The following RAB3IP variants were observed in gnomAD, a reference collection of about 807,000 sequenced individuals.
RAB3IP encodes the protein RAB3A interacting protein, also known as rab-3A-interacting protein.
In RAB3IP, 36 loss-of-function variants were observed where a neutral mutation model predicts 59.1. That is an observed-to-expected ratio of 0.61 (90% CI 0.47 to 0.80). The LOEUF (loss-of-function observed/expected upper bound fraction) is 0.80, where lower values mean the gene tolerates loss of function less well. Among genes scored for constraint, RAB3IP ranks in the 30% least tolerant of loss-of-function variants. RAB3IP has a pLI of 0.00. For missense variants in RAB3IP, 511 were observed against 536.0 expected (o/e 0.95, Z 0.46); for synonymous variants, 207 against 191.2 (o/e 1.08, Z -0.68).
At position 69,795,351 on chromosome 12, in the gene RAB3IP, C is replaced by G; in HGVS notation, c.888+7C>G. 6.2e-7 allele frequency: 1 copy of G among 1,603,254 alleles called. No individual in the cohort carries two copies. The highest frequency in any genetic ancestry group is 8.5e-7 in the Non-Finnish European group (1 of 1,170,528). On this transcript the variant is annotated splice_region_variant and intron_variant, in intron 6 of 10. Transcript: ENST00000247833. ...TGTAAAAGACTGCAAAGAGGTAACTCATCAAGGACTGTCCCCTCTGACTCT... is the reference window on the plus strand; with the variant it reads ...TGTAAAAGACTGCAAAGAGGTAACTGATCAAGGACTGTCCCCTCTGACTCT...
intron 4 of RAB3IP, among the ~76,000 whole-genome samples, chr12:69,793,774 C>T (rs983456079): frequency 8.5e-5 from 13 of 152,284 alleles, no homozygotes; most frequent in Admixed American, 6.5e-4. Context: ...AGTACGTAAT[C>T]AGCATCTGGA....
At chr12:69,787,612 G>A (rs1425681078) in intron 4 of RAB3IP, among the ~76,000 whole-genome samples, 1 of 152,202 alleles carries the variant, frequency 6.6e-6, no homozygotes, top group East Asian at 1.9e-4. Flanking sequence ...CATCACCGGG[G>A]CCTCTTATTT....
Position 69,800,357 on chromosome 12 carries a change from GT to G in RAB3IP, c.1017+21del. ...AGTGAGGTAATTTTTTTTCATTTTA[GT>G]AGGAATTCATTATAGTTGTTTCTGT... On this transcript the variant is annotated intron_variant, in intron 7 of 10. Coordinates refer to ENST00000247833, the MANE Select transcript of RAB3IP (RefSeq NM_022456.5). 6.9e-7 allele frequency: 1 copy of G among 1,456,340 alleles called. No homozygotes were observed. The highest frequency in any genetic ancestry group is 9.4e-7 in the Non-Finnish European group (1 of 1,064,976). 90.2% of individuals were successfully genotyped at this position (1,456,340 alleles called of 1,614,324 possible). A position where few individuals can be genotyped will look rare whatever the true frequency, so the allele number is the denominator to read the frequency against.
At chr12:69,786,641 T>C (rs1223072318) in intron 4 of RAB3IP, among the ~76,000 whole-genome samples, 1 of 152,170 alleles carries the variant, frequency 6.6e-6, no homozygotes, top group African/African-American at 2.4e-5. Context: ...TTAATTTTGA[T>C]TTCCTGACTA....
In RAB3IP at chr12:69,817,559, C is replaced by A. The variant is rs1310478841; in HGVS notation, c.*2113C>A. The A allele has an allele frequency of 1.3e-5, 2 of 151,726 alleles. No individual in the cohort carries two copies. Among genetic ancestry groups the A allele is most frequent in the African/African-American group, 4.8e-5 (2 of 41,284 alleles). The allele number at this position is 151,726 out of a possible 1,614,324, so 9.4% of individuals were successfully genotyped here. On this transcript the variant is annotated 3_prime_UTR_variant, in exon 11 of 11. Transcript: ENST00000247833. ...AGGCATTGTGGCTCATGCCTGTAATCCCAGCACTTTGGGAGGCAGAGGCAG... is the reference window on the plus strand; with the variant it reads ...AGGCATTGTGGCTCATGCCTGTAATACCAGCACTTTGGGAGGCAGAGGCAG...
At chr12:69,810,409 C>G (rs1336157859) in intron 8 of RAB3IP, among the ~76,000 whole-genome samples, 1 of 152,188 alleles carries the variant, frequency 6.6e-6, no homozygotes, top group Non-Finnish European at 1.5e-5. Context: ...GGGAGAACCA[C>G]TGCTCTCTTC....
chr12:69,751,665 A>G (rs1592448897), intron 1 of RAB3IP, among the ~76,000 whole-genome samples: 1 of 152,280 alleles, frequency 6.6e-6, no homozygotes, highest in East Asian at 1.9e-4. Flanking sequence ...CAATATTACT[A>G]CTGTTATTAA....
At chr12:69,765,350 G>A (rs1187365977) in intron 3 of RAB3IP, among the ~76,000 whole-genome samples, 1 of 152,146 alleles carries the variant, frequency 6.6e-6, no homozygotes, top group Non-Finnish European at 1.5e-5. Context: ...ATCGTGAAAG[G>A]ATGTTGGATC....
At chr12:69,755,341 G>C in intron 1 of RAB3IP, 43 bp from the exon 2 acceptor site, 1 of 1,464,114 alleles carries the variant, frequency 6.8e-7, no homozygotes, top group Non-Finnish European at 9.4e-7. Flanking sequence ...AGTTTTAAAT[G>C]TTATTATCTA....
At chr12:69,754,733 A>T (rs1260181974) in intron 1 of RAB3IP, among the ~76,000 whole-genome samples, 1 of 152,234 alleles carries the variant, frequency 6.6e-6, no homozygotes, top group Non-Finnish European at 1.5e-5. Context: ...CATGTTGTAC[A>T]TGATAAATAC....
At chr12:69,789,808 A>G (rs1179151333) in intron 4 of RAB3IP, among the ~76,000 whole-genome samples, 1 of 152,224 alleles carries the variant, frequency 6.6e-6, no homozygotes, top group Non-Finnish European at 1.5e-5. Context: ...GTGATAAACC[A>G]CAGTAATAGA....
At chr12:69,745,008 C>A (rs1401281134) in intron 1 of RAB3IP, among the ~76,000 whole-genome samples, 1 of 151,686 alleles carries the variant, frequency 6.6e-6, no homozygotes, top group Non-Finnish European at 1.5e-5. Flanking sequence ...TTGAACTTTC[C>A]TTTTTATTTT....
At chr12:69,771,974 T>C (rs934148292) in intron 3 of RAB3IP, among the ~76,000 whole-genome samples, 3 of 152,196 alleles carry the variant, frequency 2.0e-5, no homozygotes, top group African/African-American at 7.2e-5. Context: ...TTTTGCCCAT[T>C]TTAAAATTAT....
At chr12:69,810,125 C>T (rs1329203806) in intron 8 of RAB3IP, among the ~76,000 whole-genome samples, 1 of 152,186 alleles carries the variant, frequency 6.6e-6, no homozygotes, top group Non-Finnish European at 1.5e-5. Context: ...CAGTCAGGAC[C>T]CTCAGCTGCA....
rs1870030216 is a variant in RAB3IP, at chr12:69,755,379, CAT to C, written c.-25-3_-25-2del. The C allele has an allele frequency of 6.2e-7, 1 of 1,605,856 alleles. No homozygotes were observed. Among genetic ancestry groups the C allele is most frequent in the African/African-American group, 1.3e-5 (1 of 74,584 alleles). Reference sequence around the variant, plus strand: ...AATAAGTATCTGCTTTTTGTTTTAACATAGGTTATCTTATGATGAGGCTTTTG... The same window carrying C: ...AATAAGTATCTGCTTTTTGTTTTAACAGGTTATCTTATGATGAGGCTTTTG... On this transcript the variant is annotated splice_polypyrimidine_tract_variant and splice_region_variant and intron_variant, in intron 1 of 10. Transcript: ENST00000247833.
chr12:69,801,786 A>G, intron 8 of RAB3IP, 65 bp downstream of exon 8: 1 of 1,021,068 alleles, frequency 9.8e-7, no homozygotes, highest in Non-Finnish European at 1.5e-6. Flanking sequence ...GGTTGCAGTT[A>G]TTTAGTTTTT....
At chr12:69,784,372 G>A (rs1477565345) in intron 3 of RAB3IP, among the ~76,000 whole-genome samples, 1 of 150,952 alleles carries the variant, frequency 6.6e-6, no homozygotes, top group African/African-American at 2.4e-5. Flanking sequence ...CTTACTTGAT[G>A]GAAATAAATA....
At chr12:69,791,150 G>A (rs111467129) in intron 4 of RAB3IP, among the ~76,000 whole-genome samples, 208 of 152,174 alleles carry the variant, frequency 1.4e-3, no homozygotes, top group African/African-American at 4.7e-3. Flanking sequence ...GCAAATGAAC[G>A]AAATTAGACC....
At chr12:69,757,838 A>G (rs1398351140) in intron 3 of RAB3IP, among the ~76,000 whole-genome samples, 3 of 152,184 alleles carry the variant, frequency 2.0e-5, no homozygotes, top group Admixed American at 6.5e-5. Flanking sequence ...CACACATTAT[A>G]TAGAGGTAAA....
Sources: allele counts gnomAD v4.1 joint callset (sites outside exome capture counted in the v4.1 genomes callset), GRCh38; gene constraint gnomAD v4.1.1; transcripts MANE v1.5; gene names NCBI Gene and HGNC (gene_info 2026-07-23, HGNC 2026-07-21).